VWA5A: variants seen among roughly 807,000 people sequenced by gnomAD.
VWA5A encodes von Willebrand factor A domain containing 5A, also known as von Willebrand factor A domain-containing protein 5A.
Under a neutral mutation model 84.6 loss-of-function variants are expected in VWA5A, and 77 were observed. That is an observed-to-expected ratio of 0.91 (90% CI 0.76 to 1.10). The LOEUF is 1.10. Ranked by LOEUF, VWA5A falls within the 50% of genes least tolerant of loss-of-function variation. The pLI is 0.00. For synonymous variants in VWA5A, 334 were observed against 350.1 expected, an observed-to-expected ratio of 0.95 and a Z score of 0.51; for missense variants, 973 against 963.0, an observed-to-expected ratio of 1.01 and a Z score of -0.14.
At chr11:124,139,999 T>TA (rs1860696006) in intron 15 of VWA5A, among the ~76,000 whole-genome samples, 1 of 152,126 alleles carries the variant, frequency 6.6e-6, no homozygotes, top group Non-Finnish European at 1.5e-5. Flanking sequence ...TGAGAGTTTT[T>TA]ATCATGATGT....
chr11:124,132,145 A>T (rs1865106486), intron 11 of VWA5A, among the ~76,000 whole-genome samples: 1 of 152,088 alleles, frequency 6.6e-6, no homozygotes, highest in Non-Finnish European at 1.5e-5. Flanking sequence ...GTGAATTCTA[A>T]TGATAATTCT....
chr11:124,117,896 C>A, intron 4 of VWA5A, 21 bp downstream of exon 4: 1 of 1,613,042 alleles, frequency 6.2e-7, no homozygotes, highest in Non-Finnish European at 8.5e-7. Flanking sequence ...TTACCTCCTC[C>A]CTTCTTATTA....
At chr11:124,122,239 A>G (rs1440201496) in intron 7 of VWA5A, among the ~76,000 whole-genome samples, 1 of 152,198 alleles carries the variant, frequency 6.6e-6, no homozygotes, top group East Asian at 1.9e-4. Context: ...CTATCTCAAT[A>G]CTAGCATTTC....
rs993381443 is a variant in VWA5A at position 124,146,996 on chromosome 11, A to G, written c.*1051A>G. On this transcript the variant is annotated 3_prime_UTR_variant, in exon 19 of 19. Transcript: ENST00000456829. ...TTTGGGAAGCCAAACTAGGATAGTA[A>G]ATTGACCGGAACACAGTTGTGGAAA... 3 of 166,864 alleles carry G rather than the reference A, an allele frequency of 1.8e-5. No individual in the cohort carries two copies. The highest frequency in any genetic ancestry group is 4.4e-5 in the Non-Finnish European group (3 of 68,126). The allele number at this position is 166,864 out of a possible 1,614,324, so 10.3% of individuals were successfully genotyped here. A position where few individuals can be genotyped will look rare whatever the true frequency, so the allele number is the denominator to read the frequency against.
intron 2 of VWA5A, among the ~76,000 whole-genome samples, chr11:124,116,952 C>G (rs1236247998): frequency 6.6e-6 from 1 of 152,124 alleles, no homozygotes; most frequent in South Asian, 2.1e-4. Context: ...TGCAGCGCGT[C>G]TCTGAATGCC....
rs1860829544 is a variant in VWA5A, at chr11:124,146,784, C to T, written c.*839C>T. ...ACCGCATTAGGAAGAAAGGAGCTCC[C>T]CGTAATCGTTCCTGACCCTTGTGTC... On this transcript the variant is annotated 3_prime_UTR_variant, in exon 19 of 19. Coordinates refer to ENST00000456829, the MANE Select transcript of VWA5A (RefSeq NM_001130142.2). The T allele has an allele frequency of 6.6e-6, 1 of 152,368 alleles. No homozygotes were observed. The highest frequency in any genetic ancestry group is 1.5e-5 in the Non-Finnish European group (1 of 68,056). 9.4% of individuals were successfully genotyped at this position (152,368 alleles called of 1,614,324 possible). A position where few individuals can be genotyped will look rare whatever the true frequency, so the allele number is the denominator to read the frequency against.
In VWA5A at chr11:124,124,633, A is replaced by G. The variant is rs1864989473; in HGVS notation, c.1244+317A>G. 5.2e-6 allele frequency: 5 copies of G among 965,594 alleles called. No individual in the cohort carries two copies. In the South Asian group the frequency reaches 1.4e-4, roughly 26 times the overall value. 59.8% of individuals were successfully genotyped at this position (965,594 alleles called of 1,614,324 possible). ...CATGCTGAAAACTACACAAATTATA[A>G]GCATACAACTGGACTCATTATCACA... On this transcript the variant is annotated intron_variant, in intron 11 of 18. Coordinates refer to ENST00000456829, the MANE Select transcript of VWA5A (RefSeq NM_001130142.2).
intron 14 of VWA5A, 36 bp downstream of exon 14, chr11:124,136,710 T>TTCCTTCCA: frequency 9.4e-7 from 1 of 1,066,014 alleles, no homozygotes. Flanking sequence ...CCTTCCTTCC[T>TTCCTTCCA]TCCTTCCTTC....
chr11:124,142,151 G>A (rs1860741723), intron 16 of VWA5A, among the ~76,000 whole-genome samples: 1 of 152,136 alleles, frequency 6.6e-6, no homozygotes, highest in African/African-American at 2.4e-5. Flanking sequence ...AGTCTAGGGT[G>A]ACCCCTAGTC....
At position 124,126,880 on chromosome 11, in the gene VWA5A, A is replaced by G. The variant is rs891556356; in HGVS notation, c.1244+2564A>G. On this transcript the variant is annotated intron_variant, in intron 11 of 18. Coordinates refer to ENST00000456829, the MANE Select transcript of VWA5A (RefSeq NM_001130142.2). ...TGAAATATTTGAGGGCAAACCACAG[A>G]TGTCATAACCCTTCATATATAAACA... Among the ~76,000 whole-genome samples the G allele has an allele frequency of 2.6e-5, 4 of 152,326 alleles. No individual in the cohort carries two copies. The East Asian group carries it at 7.7e-4, about 29-fold the overall frequency.
intron 17 of VWA5A, among the ~76,000 whole-genome samples, chr11:124,143,818 A>G (rs1367647169): frequency 6.6e-6 from 1 of 152,186 alleles, no homozygotes; most frequent in African/African-American, 2.4e-5. Flanking sequence ...GGAACAAAAA[A>G]CTTCAGACTG....
intron 15 of VWA5A, among the ~76,000 whole-genome samples, chr11:124,137,610 G>A (rs1000155719): frequency 2.0e-5 from 3 of 152,170 alleles, no homozygotes; most frequent in Non-Finnish European, 4.4e-5. Flanking sequence ...CCCATTTAAA[G>A]TGTACAGTCC....
chr11:124,138,655 A>T (rs1315470873), intron 15 of VWA5A, among the ~76,000 whole-genome samples: 3 of 152,002 alleles, frequency 2.0e-5, no homozygotes, highest in Non-Finnish European at 4.4e-5. Context: ...CTTGGTTTTG[A>T]GTTAAATTCC....
intron 6 of VWA5A, 100 bp downstream of exon 6, chr11:124,118,808 C>A: frequency 1.4e-6 from 2 of 1,408,232 alleles, no homozygotes; most frequent in Non-Finnish European, 1.9e-6. Context: ...CAGAGGGGGT[C>A]CCACATGCTC....
At chr11:124,145,801 G>A in intron 18 of VWA5A, 65 bp from the exon 19 acceptor site, 2 of 1,481,354 alleles carry the variant, frequency 1.4e-6, no homozygotes, top group Non-Finnish European at 1.8e-6. Context: ...TAGATGATCT[G>A]GGAGGTTTGG....
Position 124,142,584 on chromosome 11 carries a change from T to C in VWA5A, c.2154+12T>C. 2.5e-6 allele frequency: 4 copies of C among 1,613,544 alleles called. No individual in the cohort carries two copies. The highest frequency in any genetic ancestry group is 1.1e-5 in the South Asian group (1 of 91,018). On this transcript the variant is annotated intron_variant, in intron 17 of 18. Transcript: ENST00000456829. ...CACAGCCTGCCGAGGTAAGATTCAA[T>C]GGAAAAAGGAGTATGTATGTTTTTG...
At chr11:124,134,111 G>T (rs888676195) in intron 11 of VWA5A, among the ~76,000 whole-genome samples, 1 of 152,190 alleles carries the variant, frequency 6.6e-6, no homozygotes, top group African/African-American at 2.4e-5. Flanking sequence ...GAAATTTAAA[G>T]GTTGTGATAT....
intron 9 of VWA5A, 61 bp from the exon 10 acceptor site, chr11:124,123,599 G>A: frequency 2.5e-6 from 4 of 1,613,498 alleles, no homozygotes; most frequent in Non-Finnish European, 3.4e-6. Context: ...TCAATTCAGG[G>A]ACTCTATACT....
rs760552477 is a variant in VWA5A at position 124,118,362 on chromosome 11, T to G, written c.420T>G (p.Ala140=). Residue 140 remains alanine (A), a synonymous_variant, in exon 5 of 19, where the codon GCT becomes GCG. Transcript: ENST00000456829. The part of the protein sequence containing the change: ...VQELPLEADG[A]LRFVLPAVLN... ...AGCTGCCTCTGGAAGCAGATGGGGC[T>G]CTGCGCTTTGTGCTCCCAGCTGTCC... 1.2e-6 allele frequency: 2 copies of G among 1,614,228 alleles called. No individual in the cohort carries two copies. Among genetic ancestry groups the G allele is most frequent in the South Asian group, 2.2e-5 (2 of 91,086 alleles).
Sources: allele counts gnomAD v4.1 joint callset (sites outside exome capture counted in the v4.1 genomes callset), GRCh38; gene constraint gnomAD v4.1.1; transcripts MANE v1.5; gene names NCBI Gene and HGNC (gene_info 2026-07-23, HGNC 2026-07-21).